Variants in SDK1 observed in about 807,000 individuals in gnomAD.
SDK1 encodes protein sidekick-1.
A neutral mutation model predicts 245.5 loss-of-function variants in SDK1; 157 were observed. The observed-to-expected ratio is 0.64, with a 90% CI of 0.56 to 0.73. The LOEUF is 0.73. SDK1 is among the 30% of genes least tolerant of loss of function. SDK1 has a pLI of 0.00. For synonymous variants in SDK1, 1,647 were observed against 1,278.5 expected (o/e 1.29, Z -6.15); for missense variants, 3,583 against 3,002.3 (o/e 1.19, Z -4.52).
chr7:4,074,126 C>A (rs1272959246), intron 20 of SDK1, among the ~76,000 whole-genome samples: 2 of 152,104 alleles, frequency 1.3e-5, no homozygotes, highest in African/African-American at 4.8e-5. Context: ...TGACTTACGA[C>A]CTAAGTAGCT....
intron 1 of SDK1, among the ~76,000 whole-genome samples, chr7:3,577,282 G>A (rs900049370): frequency 6.6e-5 from 10 of 152,006 alleles, no homozygotes; most frequent in Admixed American, 2.0e-4. Flanking sequence ...TAATAGCAGC[G>A]CTCTGAGATT....
chr7:3,971,515 G>A lies in SDK1; in HGVS notation c.1764G>A (p.Gly588=). 1 of 1,613,808 alleles carries A rather than the reference G, an allele frequency of 6.2e-7. No individual in the cohort carries two copies. Among genetic ancestry groups the A allele is most frequent in the South Asian group, 1.1e-5 (1 of 90,928 alleles). The change falls in exon 12 of 45, where the codon GGG becomes GGA. Residue 588 remains glycine (G), a synonymous_variant. Coordinates refer to ENST00000404826, the MANE Select transcript of SDK1 (RefSeq NM_152744.4). ...HPPEDHVVIK[G]TTATLHCGAT... ...CTGAGGACCACGTGGTGATTAAGGG[G>A]ACCACGGCCACGCTGCACTGTGGTG...
chr7:3,543,710 A>G (rs919670183), intron 1 of SDK1, among the ~76,000 whole-genome samples: 1 of 152,244 alleles, frequency 6.6e-6, no homozygotes, highest in Non-Finnish European at 1.5e-5. Flanking sequence ...AGACACAGGC[A>G]GGAGTTACCT....
chr7:3,410,576 AT>A (rs1779173277), intron 1 of SDK1, among the ~76,000 whole-genome samples: 2 of 123,124 alleles, frequency 1.6e-5, no homozygotes, highest in Non-Finnish European at 3.3e-5. Context: ...GTGAAATGAT[AT>A]CTTTTTTTTT....
At chr7:3,874,179 C>T (rs1378582678) in intron 5 of SDK1, among the ~76,000 whole-genome samples, 3 of 152,132 alleles carry the variant, frequency 2.0e-5, no homozygotes, top group Non-Finnish European at 4.4e-5. Context: ...TTTATCATTG[C>T]CATGGTTACC....
At chr7:3,997,237 A>G (rs536938751) in intron 14 of SDK1, among the ~76,000 whole-genome samples, 1 of 152,218 alleles carries the variant, frequency 6.6e-6, no homozygotes, top group Admixed American at 6.5e-5. Context: ...CTCGTCTTGT[A>G]TCCAGGAAGA....
In SDK1 at chr7:3,301,714, G is replaced by T. The variant is rs1779265231; in HGVS notation, c.128G>T (p.Arg43Leu). The T allele has an allele frequency of 3.1e-6, 3 of 976,286 alleles. No homozygotes were observed. The highest frequency in any genetic ancestry group is 4.7e-5 in the South Asian group (1 of 21,212). The allele number at this position is 976,286 out of a possible 1,614,324, so 60.5% of individuals were successfully genotyped here. ...CGCGCCCGCCCCTCGCTGGCGCCGC[G>T]CCCCGGCCCGGAGCCCTCGCGACCC... ...PGRARPSLAP[R>L]PGPEPSRPRA... Residue 43 changes from arginine to leucine, a missense_variant, in exon 1 of 45, where the codon CGC becomes CTC. Coordinates refer to ENST00000404826, the MANE Select transcript of SDK1 (RefSeq NM_152744.4).
intron 1 of SDK1, among the ~76,000 whole-genome samples, chr7:3,438,779 C>T (rs1449264346): frequency 2.0e-5 from 3 of 151,740 alleles, no homozygotes; most frequent in African/African-American, 7.3e-5. Context: ...CTGTCTTTAT[C>T]CTGAAAAGTT....
intron 4 of SDK1, among the ~76,000 whole-genome samples, chr7:3,742,012 A>ATATATATG (rs1554256842): frequency 2.8e-5 from 4 of 145,282 alleles, no homozygotes; most frequent in Non-Finnish European, 6.1e-5. Context: ...ATATATATAT[A>ATATATATG]TGCTGTATTT....
At chr7:4,245,298 C>T (rs1786776710) in intron 43 of SDK1, among the ~76,000 whole-genome samples, 2 of 152,120 alleles carry the variant, frequency 1.3e-5, no homozygotes, top group Non-Finnish European at 2.9e-5. Flanking sequence ...CCTCATGACT[C>T]CATCCTCATC....
At chr7:3,980,139 GC>G (rs1288246037) in intron 13 of SDK1, among the ~76,000 whole-genome samples, 2 of 152,210 alleles carry the variant, frequency 1.3e-5, no homozygotes, top group African/African-American at 4.8e-5. Context: ...AAGGGCCAAT[GC>G]TTTTTATGTA....
At chr7:3,772,559 T>TA (rs1468523931) in intron 4 of SDK1, among the ~76,000 whole-genome samples, 2 of 152,174 alleles carry the variant, frequency 1.3e-5, no homozygotes, top group Non-Finnish European at 2.9e-5. Flanking sequence ...TAATTGCTTT[T>TA]AAAAAAAGTA....
chr7:3,994,899 C>G (rs1266315020), intron 14 of SDK1, among the ~76,000 whole-genome samples: 2 of 152,150 alleles, frequency 1.3e-5, no homozygotes, highest in Non-Finnish European at 2.9e-5. Context: ...AGGAACCTCA[C>G]TGAGTGGTTT....
chr7:3,746,886 G>A (rs887572938), intron 4 of SDK1, among the ~76,000 whole-genome samples: 1 of 152,134 alleles, frequency 6.6e-6, no homozygotes, highest in Non-Finnish European at 1.5e-5. Context: ...AATCCCGAAT[G>A]TTCTTGATGG....
At chr7:4,093,675 G>T (rs1183291346) in intron 22 of SDK1, among the ~76,000 whole-genome samples, 1 of 152,208 alleles carries the variant, frequency 6.6e-6, no homozygotes, top group Admixed American at 6.5e-5. Context: ...GCTGCCGGCG[G>T]CGTCGACAGC....
At chr7:3,383,909 T>A (rs1053999870) in intron 1 of SDK1, among the ~76,000 whole-genome samples, 15 of 152,098 alleles carry the variant, frequency 9.9e-5, no homozygotes, top group Non-Finnish European at 1.9e-4. Context: ...TCAGCTGGAG[T>A]CAATCTTATG....
At chr7:3,981,943 G>A (rs1050101532) in intron 13 of SDK1, among the ~76,000 whole-genome samples, 6 of 152,234 alleles carry the variant, frequency 3.9e-5, no homozygotes, top group Non-Finnish European at 8.8e-5. Flanking sequence ...CAAGAAATTT[G>A]CAGTGTAGAC....
chr7:3,722,198 G>A (rs1778831748), intron 4 of SDK1, among the ~76,000 whole-genome samples: 1 of 152,056 alleles, frequency 6.6e-6, no homozygotes, highest in Non-Finnish European at 1.5e-5. Flanking sequence ...AGTAAATCTT[G>A]CTAAGATTGG....
intron 13 of SDK1, among the ~76,000 whole-genome samples, chr7:3,981,487 G>A (rs568042033): frequency 6.6e-6 from 1 of 150,902 alleles, no homozygotes; most frequent in Non-Finnish European, 1.5e-5. Flanking sequence ...GCTTAGTAAG[G>A]AAGGCATATC....
Sources: gnomAD v4.1 joint callset for allele counts (sites outside exome capture counted in the v4.1 genomes callset) on GRCh38, gnomAD v4.1.1 for gene constraint, MANE v1.5 for transcripts, NCBI Gene and HGNC (gene_info 2026-07-23, HGNC 2026-07-21) for gene names.